The following RFT1 variants were observed in gnomAD, a reference collection of about 807,000 sequenced individuals.
RFT1 encodes the protein man(5)GlcNAc(2)-PP-dolichol translocation protein RFT1.
A neutral mutation model predicts 62.2 loss-of-function variants in RFT1; 43 were observed. The ratio of observed to expected loss-of-function variants is 0.69; its 90% CI spans 0.54 to 0.89. RFT1 has a LOEUF of 0.89. RFT1 is among the 40% of genes least tolerant of loss of function. The probability of loss-of-function intolerance (pLI) is 0.00; values close to 1 mark genes in which losing one functional copy is unlikely to be tolerated. For synonymous variants in RFT1, 262 were observed against 264.6 expected (o/e 0.99, Z 0.10); for missense variants, 605 against 649.9 (o/e 0.93, Z 0.75).
chr3:53,082,441 C>T, the RFT1 span, among the ~76,000 whole-genome samples: 1,672 of 152,036 alleles, frequency 0.011, 27 homozygotes, highest in Non-Finnish European at 0.012. Flanking sequence ...TGCCACTGCA[C>T]TCCAGCCTGG....
chr3:53,094,075 C>T (rs1044357193), intron 11 of RFT1, among the ~76,000 whole-genome samples: 17 of 152,042 alleles, frequency 1.1e-4, no homozygotes, highest in Non-Finnish European at 2.2e-4. Context: ...CCTGATTCTG[C>T]AGGTGTGGGA....
the RFT1 span, among the ~76,000 whole-genome samples, chr3:53,069,881 C>G: frequency 6.6e-6 from 1 of 152,208 alleles, no homozygotes; most frequent in Non-Finnish European, 1.5e-5. Flanking sequence ...TATGCACAGC[C>G]TAGTGGCAAT....
chr3:53,104,834 T>C (rs1701419657), intron 9 of RFT1, among the ~76,000 whole-genome samples: 1 of 152,242 alleles, frequency 6.6e-6, no homozygotes, highest in Admixed American at 6.5e-5. Context: ...TTAAAATCTC[T>C]TCTTCTGTAT....
downstream of RFT1, among the ~76,000 whole-genome samples, chr3:53,084,556 CTTAA>C (rs1488199324): frequency 1.3e-4 from 20 of 152,232 alleles, no homozygotes; most frequent in Non-Finnish European, 2.8e-4. Flanking sequence ...GCAGCCGTGT[CTTAA>C]TTAGTCACTG....
chr3:53,088,362 A>C (rs147750853), downstream of RFT1: 3 of 152,360 alleles, frequency 2.0e-5, no homozygotes, highest in African/African-American at 7.2e-5. Flanking sequence ...ACAGAGAGAG[A>C]AACGTTCCAG....
intron 7 of RFT1, 120 bp from the exon 8 acceptor site, chr3:53,106,989 A>G: frequency 1.4e-6 from 1 of 735,494 alleles, no homozygotes; most frequent in East Asian, 2.7e-5. Context: ...CTAGGTAATC[A>G]GTTAAAGACA....
At position 53,104,070 on chromosome 3, in the gene RFT1, A is replaced by G; in HGVS notation, c.985T>C (p.Leu329=). 1 of 1,614,112 alleles carries G rather than the reference A, an allele frequency of 6.2e-7. No individual in the cohort carries two copies. The highest frequency in any genetic ancestry group is 8.5e-7 in the Non-Finnish European group (1 of 1,180,016). ...QEDVAVAAAV[L]ESLLKLALLA... The stretch of plus-strand genomic sequence containing the variant: ...AGGGCCAGCTTGAGCAGGGACTCCA[A>G]GACTGCAGCAGCCACAGCAACGTCC... The change falls in exon 10 of 13, where the codon TTG becomes CTG. Residue 329 remains leucine, a synonymous_variant. Coordinates refer to ENST00000296292, the MANE Select transcript of RFT1 (RefSeq NM_052859.4).
At chr3:53,103,497 T>C (rs1419199249) in intron 10 of RFT1, 1 of 188,518 alleles carries the variant, frequency 5.3e-6, no homozygotes, top group African/African-American at 2.3e-5. Context: ...ATCAATTTTA[T>C]TCTCTGCAAA....
At chr3:53,111,441 CTGATA>C (rs1180407912) in intron 7 of RFT1, among the ~76,000 whole-genome samples, 1 of 152,016 alleles carries the variant, frequency 6.6e-6, no homozygotes, top group Non-Finnish European at 1.5e-5. Flanking sequence ...TTTTATGTAA[CTGATA>C]TAATACTTTC....
rs1000901610 is a variant in RFT1, at chr3:53,091,802, C to T, written c.*101G>A. 10 of 1,309,180 alleles carry T rather than the reference C, an allele frequency of 7.6e-6. No homozygotes were observed. Among genetic ancestry groups the T allele is most frequent in the Admixed American group, 5.5e-5 (3 of 54,974 alleles). The allele number at this position is 1,309,180 out of a possible 1,614,324, so 81.1% of individuals were successfully genotyped here. Reference sequence around the variant, plus strand: ...CTCATCTCTGGGGTTGCTGTCACTCCGCTGCAGAGCCCTCAGTGGGGCTCT... The same window carrying T: ...CTCATCTCTGGGGTTGCTGTCACTCTGCTGCAGAGCCCTCAGTGGGGCTCT... On this transcript the variant is annotated 3_prime_UTR_variant, in exon 13 of 13. Transcript: ENST00000296292.
Position 53,092,479 on chromosome 3 carries a change from T to C in RFT1, c.1348A>G (p.Ile450Val), listed in dbSNP as rs530994903. 7.6e-5 allele frequency: 122 copies of C among 1,612,512 alleles called. No individual in the cohort carries two copies. In the Middle Eastern group the frequency reaches 1.3e-3, roughly 17 times the overall value. Reference protein sequence around the residue: ...GIRITQSLCFIHRYYRRSPHR... With the variant: ...GIRITQSLCFVHRYYRRSPHR... The stretch of plus-strand genomic sequence containing the variant: ...GGGCTCCTTCGGTAGTAGCGGTGGA[T>C]GAAGCAAAGGCTCTGCGTGATCCGA... Residue 450 changes from isoleucine to valine, a missense_variant, in exon 12 of 13, where the codon ATC becomes GTC. Coordinates refer to ENST00000296292, the MANE Select transcript of RFT1 (RefSeq NM_052859.4).
intron 6 of RFT1, among the ~76,000 whole-genome samples, chr3:53,116,747 G>A (rs1159681836): frequency 6.6e-6 from 1 of 151,400 alleles, no homozygotes; most frequent in South Asian, 2.1e-4. Flanking sequence ...GATTACAGGC[G>A]CATGCCACCA....
At chr3:53,122,111 C>T (rs932134436) in intron 4 of RFT1, among the ~76,000 whole-genome samples, 2 of 152,146 alleles carry the variant, frequency 1.3e-5, no homozygotes, top group African/African-American at 2.4e-5. Flanking sequence ...AAAACCTTTA[C>T]GGTCCTTCTA....
intron 7 of RFT1, among the ~76,000 whole-genome samples, chr3:53,107,126 G>A (rs1020866688): frequency 1.5e-5 from 2 of 134,630 alleles, no homozygotes; most frequent in East Asian, 4.6e-4. Flanking sequence ...AATAAAACAA[G>A]TCTAAAAAGG....
chr3:53,100,734 A>G (rs1701286747), intron 10 of RFT1, among the ~76,000 whole-genome samples: 2 of 152,362 alleles, frequency 1.3e-5, no homozygotes, highest in Non-Finnish European at 2.9e-5. Flanking sequence ...CCATGGTGAT[A>G]GAAATCAGAT....
Position 53,091,919 on chromosome 3 carries a change from G to A in RFT1, c.1610C>T (p.Thr537Ile). The A allele has an allele frequency of 9.9e-6, 16 of 1,614,214 alleles. No individual in the cohort carries two copies. The highest frequency in any genetic ancestry group is 1.3e-5 in the Non-Finnish European group (15 of 1,180,038). Reference sequence around the variant, plus strand: ...TCCCTGAAGTCATGTCATTTTGTCAGTGCGTCTGGGCACACCTAACTGAGT... The same window carrying A: ...TCCCTGAAGTCATGTCATTTTGTCAATGCGTCTGGGCACACCTAACTGAGT... ...LRTQLGVPRR[T>I]DKMT The change falls in exon 13 of 13, where the codon ACT (threonine) becomes ATT (isoleucine). Residue 537 changes from threonine to isoleucine, a missense_variant. Physicochemically the swap from Thr to Ile is moderately conservative, Grantham distance 89 (BLOSUM62 -1). Transcript: ENST00000296292.
In RFT1 at chr3:53,098,568, C is replaced by T. The variant is rs763962553; in HGVS notation, c.1208+813G>A. On this transcript the variant is annotated intron_variant, in intron 11 of 12. Coordinates refer to ENST00000296292, the MANE Select transcript of RFT1 (RefSeq NM_052859.4). ...CTGTAATCCCGGCACTTTGGGAGGC[C>T]AAGGCGGGAGAATCACAAGGTCAGG... 1.3e-4 allele frequency among the ~76,000 whole-genome samples: 20 copies of T among 152,168 alleles called. No individual in the cohort carries two copies. In the East Asian group the frequency reaches 2.3e-3, roughly 18 times the overall value.
the RFT1 span, among the ~76,000 whole-genome samples, chr3:53,079,076 G>T: frequency 2.0e-5 from 3 of 152,220 alleles, no homozygotes; most frequent in African/African-American, 7.2e-5. Flanking sequence ...CTGGCCCAGT[G>T]GGCAGTGGGG....
chr3:53,079,990 G>A, the RFT1 span, among the ~76,000 whole-genome samples: 2 of 146,232 alleles, frequency 1.4e-5, no homozygotes, highest in African/African-American at 2.8e-5. Flanking sequence ...TTGGAAAGCC[G>A]AGACCAGGAG....
Sources: allele counts gnomAD v4.1 joint callset (sites outside exome capture counted in the v4.1 genomes callset), GRCh38; gene constraint gnomAD v4.1.1; transcripts MANE v1.5; gene names NCBI Gene and HGNC (gene_info 2026-07-23, HGNC 2026-07-21).